The following KCNB2 variants were observed in gnomAD, a reference collection of about 807,000 sequenced individuals.
The protein encoded by KCNB2 is delayed rectifier potassium channel protein.
KCNB2 carries 15 observed loss-of-function variants against 61.5 expected under a neutral mutation model. The observed-to-expected ratio is 0.24, with a 90% CI of 0.16 to 0.38. KCNB2 has a LOEUF of 0.38. Ranked by LOEUF, KCNB2 falls within the 10% of genes least tolerant of loss-of-function variation. The pLI, the probability that KCNB2 is intolerant of heterozygous loss-of-function variation, is 1.00. For synonymous variants in KCNB2, 457 were observed against 446.0 expected, an observed-to-expected ratio of 1.02 and a Z score of -0.31; for missense variants, 828 against 1,125.2, an observed-to-expected ratio of 0.74 and a Z score of 3.78.
chr8:72,565,545 T>C (rs1806610624), intron 1 of KCNB2, among the ~76,000 whole-genome samples: 2 of 152,106 alleles, frequency 1.3e-5, no homozygotes, highest in Non-Finnish European at 2.9e-5. Context: ...AAGAAGATGC[T>C]TGCTGCTGCA....
chr8:72,868,228 A>T (rs1342082639), intron 2 of KCNB2, among the ~76,000 whole-genome samples: 1 of 151,252 alleles, frequency 6.6e-6, no homozygotes, highest in Non-Finnish European at 1.5e-5. Flanking sequence ...AAGCCACTGC[A>T]CCCAGCCTAT....
intron 2 of KCNB2, among the ~76,000 whole-genome samples, chr8:72,869,727 T>C (rs1015369564): frequency 3.3e-5 from 5 of 152,210 alleles, no homozygotes; most frequent in Admixed American, 3.3e-4. Context: ...TTGTAATCCT[T>C]GTACACTATT....
chr8:72,785,501 G>T (rs2128998258), intron 2 of KCNB2, among the ~76,000 whole-genome samples: 1 of 152,194 alleles, frequency 6.6e-6, no homozygotes, highest in Middle Eastern at 3.4e-3. Flanking sequence ...AGTTAATCAA[G>T]TTAGCAATTC....
At chr8:72,914,163 C>T (rs902155269) in intron 2 of KCNB2, among the ~76,000 whole-genome samples, 1 of 152,116 alleles carries the variant, frequency 6.6e-6, no homozygotes, top group Non-Finnish European at 1.5e-5. Flanking sequence ...GTGATCTCTC[C>T]TGGGCCTCTT....
At chr8:72,738,144 G>A (rs1261408880) in intron 2 of KCNB2, among the ~76,000 whole-genome samples, 2 of 152,138 alleles carry the variant, frequency 1.3e-5, no homozygotes, top group Non-Finnish European at 1.5e-5. Context: ...CCAATGCTCT[G>A]TTATATGTAA....
chr8:72,833,721 A>C lies in KCNB2; in HGVS notation c.580-102214A>C, dbSNP rs185472274. Among the ~76,000 whole-genome samples the C allele has an allele frequency of 1.7e-3, 256 of 152,322 alleles. No homozygotes were observed. In the Middle Eastern group the frequency reaches 0.017, roughly 10 times the overall value. On this transcript the variant is annotated intron_variant, in intron 2 of 2. Transcript: ENST00000523207. ...GATAGCTGGGAAGTACAGATGTTACAGTTGCAGAGGGAGAATGCAGTTCCA... is the reference window on the plus strand; with the variant it reads ...GATAGCTGGGAAGTACAGATGTTACCGTTGCAGAGGGAGAATGCAGTTCCA...
At chr8:72,837,652 T>G (rs1219917413) in intron 2 of KCNB2, among the ~76,000 whole-genome samples, 6 of 152,192 alleles carry the variant, frequency 3.9e-5, no homozygotes, top group African/African-American at 1.2e-4. Context: ...AGTTTAAAAT[T>G]TATTGTCTCA....
intron 2 of KCNB2, among the ~76,000 whole-genome samples, chr8:72,712,256 T>G (rs1441551389): frequency 1.3e-5 from 2 of 152,224 alleles, no homozygotes; most frequent in African/African-American, 4.8e-5. Context: ...AGCATATTTT[T>G]AAGGACATGC....
At position 72,568,395 on chromosome 8, in the gene KCNB2, T is replaced by C. The variant is rs187708510; in HGVS notation, c.579+82T>C. On this transcript the variant is annotated intron_variant, in intron 2 of 2. Coordinates refer to ENST00000523207, the MANE Select transcript of KCNB2 (RefSeq NM_004770.3). The stretch of plus-strand genomic sequence containing the variant: ...TTCTAGAGAGTATAAGTTTTTTTAC[T>C]GTTTTGGTAACACAGAACAAAGTGT... The C allele has an allele frequency of 3.9e-4, 484 of 1,228,128 alleles. No individual in the cohort carries two copies. In the African/African-American group the frequency reaches 6.6e-3, roughly 17 times the overall value. The allele number at this position is 1,228,128 out of a possible 1,614,324, so 76.1% of individuals were successfully genotyped here. A position where few individuals can be genotyped will look rare whatever the true frequency, so the allele number is the denominator to read the frequency against.
At chr8:72,685,945 C>T (rs990555499) in intron 2 of KCNB2, among the ~76,000 whole-genome samples, 4 of 152,194 alleles carry the variant, frequency 2.6e-5, no homozygotes, top group East Asian at 1.9e-4. Context: ...GCCGAGATCG[C>T]GCCATTGCAC....
Position 72,851,826 on chromosome 8 carries a change from G to GAAAAA in KCNB2, c.580-84091_580-84087dup, listed in dbSNP as rs55696554. Among the ~76,000 whole-genome samples, 53 of 43,862 alleles carry GAAAAA rather than the reference G, an allele frequency of 1.2e-3. 6 individuals are homozygous for GAAAAA. The highest frequency in any genetic ancestry group is 2.0e-3 in the African/African-American group (22 of 10,736). 28.8% of individuals were successfully genotyped at this position (43,862 alleles called of 152,430 possible). Reference sequence around the variant, plus strand: ...TTTTTTTTTAATGTAGAAGCTGTAGGAAAAAAAAAAAAAAAAAAAAAACAC... The same window carrying GAAAAA: ...TTTTTTTTTAATGTAGAAGCTGTAGGAAAAAAAAAAAAAAAAAAAAAAAAAAACAC... On this transcript the variant is annotated intron_variant, in intron 2 of 2. Transcript: ENST00000523207.
Position 72,937,050 on chromosome 8 carries a change from G to A in KCNB2, c.1695G>A (p.Glu565=), listed in dbSNP as rs746625465. 12 of 1,614,098 alleles carry A rather than the reference G, an allele frequency of 7.4e-6. No individual in the cohort carries two copies. Among genetic ancestry groups the A allele is most frequent in the Middle Eastern group, 1.6e-4 (1 of 6,062 alleles). The change falls in exon 3 of 3, where the codon GAG becomes GAA. Residue 565 remains glutamate, a synonymous_variant. Transcript: ENST00000523207. ...ACCCAGACTGCCAAGAAAAGCCTGA[G>A]AGGCCATCTGCATATGAAGAAGAGA... ...HPNPDCQEKP[E]RPSAYEEEIE... is the part of the protein sequence containing the mutation.
At chr8:72,721,376 G>A (rs886638731) in intron 2 of KCNB2, among the ~76,000 whole-genome samples, 9 of 152,200 alleles carry the variant, frequency 5.9e-5, no homozygotes, top group Admixed American at 2.0e-4. Flanking sequence ...AAATAGAAGC[G>A]TCATGAGGAC....
chr8:72,628,444 T>A (rs1192664997), intron 2 of KCNB2, among the ~76,000 whole-genome samples: 6 of 49,980 alleles, frequency 1.2e-4, no homozygotes, highest in South Asian at 5.6e-4. Context: ...TGTGTGTGTG[T>A]GAGATGCACT....
At chr8:72,869,574 CA>C (rs34527900) in intron 2 of KCNB2, among the ~76,000 whole-genome samples, 24,569 of 152,120 alleles carry the variant, frequency 0.16, 2,617 homozygotes, top group Non-Finnish European at 0.24. Context: ...AGAAGACACA[CA>C]AATGGCCAAC....
At chr8:72,681,680 A>G (rs566162308) in intron 2 of KCNB2, among the ~76,000 whole-genome samples, 14 of 152,374 alleles carry the variant, frequency 9.2e-5, no homozygotes, top group Non-Finnish European at 1.2e-4. Context: ...AGTATTATGT[A>G]CTATACAGAA....
intron 2 of KCNB2, among the ~76,000 whole-genome samples, chr8:72,659,907 G>T (rs890554459): frequency 2.0e-5 from 3 of 152,198 alleles, no homozygotes; most frequent in African/African-American, 4.8e-5. Flanking sequence ...CAAGAAGTTT[G>T]TGACTCACTT....
chr8:72,666,481 A>G (rs1806474723), intron 2 of KCNB2, among the ~76,000 whole-genome samples: 1 of 152,196 alleles, frequency 6.6e-6, no homozygotes, highest in Non-Finnish European at 1.5e-5. Context: ...ATCAAGTGTA[A>G]TTTTCATACC....
At chr8:72,710,860 A>C (rs1807314534) in intron 2 of KCNB2, among the ~76,000 whole-genome samples, 1 of 152,248 alleles carries the variant, frequency 6.6e-6, no homozygotes, top group South Asian at 2.1e-4. Context: ...ACAATGGATT[A>C]GAAGGCCTCT....
Sources: allele counts gnomAD v4.1 joint callset (sites outside exome capture counted in the v4.1 genomes callset), GRCh38; gene constraint gnomAD v4.1.1; transcripts MANE v1.5; gene names NCBI Gene and HGNC (gene_info 2026-07-23, HGNC 2026-07-21).